The following LIX1 variants were observed in gnomAD, a reference collection of about 807,000 sequenced individuals.
The protein encoded by LIX1 is limb and CNS expressed 1, also known as protein limb expression 1 homolog.
In LIX1, 24 loss-of-function variants were observed where a neutral mutation model predicts 33.4. The observed-to-expected ratio is 0.72, with a 90% CI of 0.52 to 1.01. The LOEUF is 1.01. Ranked by LOEUF, LIX1 falls within the 50% of genes least tolerant of loss-of-function variation. LIX1 has a pLI of 0.00. For synonymous variants in LIX1, 124 were observed against 124.0 expected (o/e 1.00, Z 0.00); for missense variants, 311 against 339.2 (o/e 0.92, Z 0.65).
At chr5:97,120,647 G>A (rs1329013248) in intron 2 of LIX1, among the ~76,000 whole-genome samples, 5 of 152,140 alleles carry the variant, frequency 3.3e-5, no homozygotes, top group African/African-American at 1.2e-4. Context: ...GGAATGGTTA[G>A]AAGAGGTCAA....
At chr5:97,111,110 C>T (rs1014704513) in intron 2 of LIX1, among the ~76,000 whole-genome samples, 1 of 152,194 alleles carries the variant, frequency 6.6e-6, no homozygotes, top group Non-Finnish European at 1.5e-5. Context: ...ACTGACCACA[C>T]TGCAGTGTAA....
intron 1 of LIX1, among the ~76,000 whole-genome samples, chr5:97,126,290 A>T (rs892004378): frequency 6.6e-6 from 1 of 152,220 alleles, no homozygotes; most frequent in African/African-American, 2.4e-5. Flanking sequence ...GTGAGTCTGG[A>T]GTATCTCAGA....
chr5:97,141,345 A>G (rs1748282736), intron 1 of LIX1, among the ~76,000 whole-genome samples: 1 of 152,218 alleles, frequency 6.6e-6, no homozygotes, highest in African/African-American at 2.4e-5. Context: ...AGTGATTTTT[A>G]TTAGATCTAA....
chr5:97,110,875 C>T (rs1209995712), intron 2 of LIX1, among the ~76,000 whole-genome samples: 1 of 152,008 alleles, frequency 6.6e-6, no homozygotes, highest in Non-Finnish European at 1.5e-5. Context: ...AAGCTTTAGA[C>T]AGCAAGGCCA....
intron 4 of LIX1, among the ~76,000 whole-genome samples, chr5:97,100,573 CTT>C (rs1452027611): frequency 2.0e-5 from 3 of 152,204 alleles, no homozygotes; most frequent in Non-Finnish European, 2.9e-5. Context: ...AATTCACTCT[CTT>C]CACATTTTCC....
In LIX1 at chr5:97,124,251, G is replaced by T. The variant is rs114352563; in HGVS notation, c.246+215C>A. 7.1e-3 allele frequency among the ~76,000 whole-genome samples: 1,082 copies of T among 152,222 alleles called. 5 individuals are homozygous for T. Among genetic ancestry groups the T allele is most frequent in the Non-Finnish European group, 0.012 (829 of 68,002 alleles). On this transcript the variant is annotated intron_variant, in intron 2 of 5. Transcript: ENST00000274382. ...AGCAAGAAATAAAACATCTTTGCCAGTTATTGAAAATTGAGGGATAATTTA... is the reference window on the plus strand; with the variant it reads ...AGCAAGAAATAAAACATCTTTGCCATTTATTGAAAATTGAGGGATAATTTA...
intron 2 of LIX1, among the ~76,000 whole-genome samples, chr5:97,110,235 G>C (rs1188773634): frequency 6.6e-6 from 1 of 152,196 alleles, no homozygotes; most frequent in African/African-American, 2.4e-5. Context: ...TGTACATGGT[G>C]AGTGTGTTGA....
intron 1 of LIX1, among the ~76,000 whole-genome samples, chr5:97,127,663 A>AT (rs1747963338): frequency 6.6e-6 from 1 of 152,190 alleles, no homozygotes; most frequent in Admixed American, 6.5e-5. Flanking sequence ...TTTGTGGACA[A>AT]TTTCAAAGAA....
At chr5:97,104,265 A>C (rs1746894463) in intron 4 of LIX1, among the ~76,000 whole-genome samples, 1 of 152,180 alleles carries the variant, frequency 6.6e-6, no homozygotes, top group South Asian at 2.1e-4. Flanking sequence ...TTGGAATATA[A>C]CCTAAGAAAA....
At position 97,093,936 on chromosome 5, in the gene LIX1, T is replaced by A. The variant is rs750132819; in HGVS notation, c.*812A>T. 1.3e-5 allele frequency: 2 copies of A among 152,512 alleles called. No individual in the cohort carries two copies. Among genetic ancestry groups the A allele is most frequent in the East Asian group, 3.7e-4 (2 of 5,334 alleles). The allele number at this position is 152,512 out of a possible 1,614,324, so 9.4% of individuals were successfully genotyped here. The stretch of plus-strand genomic sequence containing the variant: ...ATTAATTTTTCTCTCTGTAGATATA[T>A]GTTTGCAGTGGCAAAAAATAAGAAC... On this transcript the variant is annotated 3_prime_UTR_variant, in exon 6 of 6. Transcript: ENST00000274382.
At chr5:97,129,936 A>C (rs1456825735) in intron 1 of LIX1, among the ~76,000 whole-genome samples, 1 of 152,252 alleles carries the variant, frequency 6.6e-6, no homozygotes, top group African/African-American at 2.4e-5. Context: ...TGTTCTTGAC[A>C]AAGTCAAATG....
chr5:97,140,242 G>A (rs777401228), intron 1 of LIX1, among the ~76,000 whole-genome samples: 2 of 152,158 alleles, frequency 1.3e-5, no homozygotes, highest in Non-Finnish European at 2.9e-5. Flanking sequence ...GTGTGTGTTT[G>A]TGTGTTTGTG....
chr5:97,139,697 C>T (rs1272104592), intron 1 of LIX1, among the ~76,000 whole-genome samples: 1 of 152,136 alleles, frequency 6.6e-6, no homozygotes, highest in Non-Finnish European at 1.5e-5. Flanking sequence ...GAGAACAGTC[C>T]AGTGTCAGCT....
At chr5:97,114,040 G>A (rs1324445781) in intron 2 of LIX1, among the ~76,000 whole-genome samples, 1 of 152,174 alleles carries the variant, frequency 6.6e-6, no homozygotes, top group African/African-American at 2.4e-5. Context: ...GGCCAACTGC[G>A]ACTAGGCCAG....
chr5:97,139,807 T>C (rs1748246476), intron 1 of LIX1, among the ~76,000 whole-genome samples: 2 of 152,180 alleles, frequency 1.3e-5, no homozygotes, highest in Admixed American at 1.3e-4. Flanking sequence ...AAAAGTGTTA[T>C]GGAATTTATT....
chr5:97,118,871 TG>T (rs1747705949), intron 2 of LIX1, among the ~76,000 whole-genome samples: 1 of 152,174 alleles, frequency 6.6e-6, no homozygotes, highest in Admixed American at 6.6e-5. Flanking sequence ...TTCTGTTTTT[TG>T]TAGGTTGTGG....
chr5:97,107,574 C>T (rs1303993078), intron 2 of LIX1, 74 bp from the exon 3 acceptor site: 1 of 1,459,402 alleles, frequency 6.9e-7, no homozygotes. Flanking sequence ...ATCAATGGGT[C>T]TCTGGACATT....
Position 97,124,595 on chromosome 5 carries a change from T to C in LIX1, c.117A>G (p.Glu39=), listed in dbSNP as rs1561501710. The C allele has an allele frequency of 6.2e-7, 1 of 1,610,314 alleles. No individual in the cohort carries two copies. The highest frequency in any genetic ancestry group is 8.5e-7 in the Non-Finnish European group (1 of 1,177,876). The change falls in exon 2 of 6, where the codon GAA becomes GAG. Residue 39 remains glutamate, a synonymous_variant. Coordinates refer to ENST00000274382, the MANE Select transcript of LIX1 (RefSeq NM_153234.5). The stretch of plus-strand genomic sequence containing the variant: ...ATGCAGCCTTCTGCTGCTGCTTGCT[T>C]TCCCAAAATTCCTGTAACATTGACA... The part of the protein sequence containing the change: ...NVVSMLQEFW[E]SKQQQKAAFP...
intron 2 of LIX1, 25 bp from the exon 3 acceptor site, chr5:97,107,525 G>A: frequency 5.0e-6 from 8 of 1,612,926 alleles, no homozygotes; most frequent in Non-Finnish European, 6.8e-6. Context: ...GAGAAAAGGA[G>A]TCATTTGAGA....
Sources: gnomAD v4.1 joint callset for allele counts (sites outside exome capture counted in the v4.1 genomes callset) on GRCh38, gnomAD v4.1.1 for gene constraint, MANE v1.5 for transcripts, NCBI Gene and HGNC (gene_info 2026-07-23, HGNC 2026-07-21) for gene names.